TMPRSS11F: variants seen among roughly 807,000 people sequenced by gnomAD.
TMPRSS11F encodes transmembrane serine protease 11F, also known as transmembrane protease serine 11F.
Under a neutral mutation model 60.2 loss-of-function variants are expected in TMPRSS11F, and 47 were observed. The ratio of observed to expected loss-of-function variants is 0.78; its 90% CI spans 0.62 to 1.00. The LOEUF (loss-of-function observed/expected upper bound fraction) is 1.00, where lower values mean the gene tolerates loss of function less well. Among genes scored for constraint, TMPRSS11F ranks in the 50% least tolerant of loss-of-function variants. TMPRSS11F has a pLI of 0.00. For missense variants in TMPRSS11F, 519 were observed against 522.9 expected (o/e 0.99, Z 0.07); for synonymous variants, 166 against 167.3 (o/e 0.99, Z 0.06).
Position 68,098,935 on chromosome 4 carries a change from C to T in TMPRSS11F, c.115G>A (p.Ala39Thr), listed in dbSNP as rs760313796. 2.5e-6 allele frequency: 4 copies of T among 1,612,788 alleles called. No individual in the cohort carries two copies. Among genetic ancestry groups the T allele is most frequent in the Non-Finnish European group, 3.4e-6 (4 of 1,179,404 alleles). The change falls in exon 2 of 10, where the codon GCA (alanine) becomes ACA (threonine). Residue 39 changes from alanine to threonine, a missense_variant. Physicochemically the swap from Ala to Thr is moderately conservative, Grantham distance 58 (BLOSUM62 0). Transcript: ENST00000356291. Reference protein sequence around the residue: ...RLALFTLAIVAIIGIAIGIVT... With the variant: ...RLALFTLAIVTIIGIAIGIVT... ...ATACCAATTGCAATTCCTATGATTG[C>T]TACAATTGCTAATGTGAAAAGAGCT...
chr4:68,123,859 C>T (rs550262879), intron 1 of TMPRSS11F, among the ~76,000 whole-genome samples: 22 of 152,084 alleles, frequency 1.4e-4, no homozygotes, highest in Non-Finnish European at 3.1e-4. Flanking sequence ...ATACATATGA[C>T]TGAAATAATG....
chr4:68,085,994 A>G (rs1365992134), intron 3 of TMPRSS11F, among the ~76,000 whole-genome samples: 1 of 152,184 alleles, frequency 6.6e-6, no homozygotes, highest in Non-Finnish European at 1.5e-5. Context: ...TAACACAGAA[A>G]TTGTGGACAA....
chr4:68,062,241 G>A (rs544988519), intron 8 of TMPRSS11F: 10 of 408,956 alleles, frequency 2.4e-5, no homozygotes, highest in East Asian at 7.0e-5. Context: ...TAAAATTACC[G>A]GCTCTTTTGC....
intron 3 of TMPRSS11F, among the ~76,000 whole-genome samples, chr4:68,088,610 A>G (rs1403363163): frequency 6.6e-6 from 1 of 152,060 alleles, no homozygotes; most frequent in Non-Finnish European, 1.5e-5. Flanking sequence ...GCACCACACC[A>G]CACCTATTCC....
chr4:68,061,526 G>C (rs1251919272), intron 8 of TMPRSS11F, among the ~76,000 whole-genome samples: 2 of 152,206 alleles, frequency 1.3e-5, no homozygotes. Context: ...TGAAGATTTA[G>C]AGAGAGAATA....
rs143920049 is a variant in TMPRSS11F, at chr4:68,053,851, A to C, written c.*58T>G. On this transcript the variant is annotated 3_prime_UTR_variant, in exon 10 of 10. Coordinates refer to ENST00000356291, the MANE Select transcript of TMPRSS11F (RefSeq NM_207407.2). ...CAAAGTAAATGAATTTAAACAATAC[A>C]AAATACGCAGGAGTATCAGCTCTGT... 426 of 1,506,758 alleles carry C rather than the reference A, an allele frequency of 2.8e-4. No homozygotes were observed. Among genetic ancestry groups the C allele is most frequent in the Admixed American group, 6.7e-4 (36 of 54,112 alleles). 93.3% of individuals were successfully genotyped at this position (1,506,758 alleles called of 1,614,324 possible).
chr4:68,090,118 A>T (rs1302157562), intron 3 of TMPRSS11F, among the ~76,000 whole-genome samples: 2 of 152,138 alleles, frequency 1.3e-5, no homozygotes, highest in Non-Finnish European at 2.9e-5. Context: ...CAAGAATTAT[A>T]GCTATACCAC....
rs555828471 is a variant in TMPRSS11F at position 68,055,612 on chromosome 4, C to A, written c.1159-1545G>T. ...CTCCCACCAAAGTCAAGTCTAGGAC[C>A]AGATGGCTTCACAATTCAATTCTAC... On this transcript the variant is annotated intron_variant, in intron 9 of 9. Transcript: ENST00000356291. Among the ~76,000 whole-genome samples, 58 of 152,234 alleles carry A rather than the reference C, an allele frequency of 3.8e-4. 1 individual carries two copies. In the South Asian group the frequency reaches 5.2e-3, roughly 14 times the overall value.
At chr4:68,098,156 T>A (rs887298135) in intron 2 of TMPRSS11F, among the ~76,000 whole-genome samples, 1 of 151,992 alleles carries the variant, frequency 6.6e-6, no homozygotes, top group Non-Finnish European at 1.5e-5. Flanking sequence ...AATACAAAAA[T>A]TAACCGAGTG....
At chr4:68,085,660 G>A (rs1723797430) in intron 3 of TMPRSS11F, among the ~76,000 whole-genome samples, 1 of 152,170 alleles carries the variant, frequency 6.6e-6, no homozygotes, top group Non-Finnish European at 1.5e-5. Context: ...TCTACAATCT[G>A]CTGCCTTCAA....
intron 1 of TMPRSS11F, among the ~76,000 whole-genome samples, chr4:68,099,557 C>A (rs1289152412): frequency 6.6e-6 from 1 of 152,150 alleles, no homozygotes; most frequent in African/African-American, 2.4e-5. Flanking sequence ...TGGTGCATTA[C>A]CTCCATTACT....
At chr4:68,094,476 C>A (rs1724027403) in intron 2 of TMPRSS11F, among the ~76,000 whole-genome samples, 1 of 145,904 alleles carries the variant, frequency 6.9e-6, no homozygotes, top group East Asian at 2.0e-4. Context: ...GTGCAGCGCA[C>A]CAGCATGGCA....
chr4:68,124,303 T>A (rs1168186256), intron 1 of TMPRSS11F, among the ~76,000 whole-genome samples: 1 of 151,914 alleles, frequency 6.6e-6, no homozygotes, highest in Non-Finnish European at 1.5e-5. Flanking sequence ...ATCCCAGCAC[T>A]TTTGAGCTCA....
chr4:68,077,170 A>G (rs1407121770), intron 3 of TMPRSS11F: 2 of 152,278 alleles, frequency 1.3e-5, no homozygotes, highest in Non-Finnish European at 2.9e-5. Context: ...AATATATACC[A>G]TGAGCATACT....
intron 8 of TMPRSS11F, chr4:68,062,757 T>C (rs1438815381): frequency 1.3e-6 from 1 of 742,298 alleles, no homozygotes; most frequent in Non-Finnish European, 2.5e-6. Flanking sequence ...AAAGTTTCCT[T>C]GTATACTGGA....
chr4:68,062,480 G>A, intron 8 of TMPRSS11F: 1 of 679,710 alleles, frequency 1.5e-6, no homozygotes, highest in South Asian at 1.4e-5. Context: ...CGACTTGGTA[G>A]AAACAGTAAT....
rs139029375 is a variant in TMPRSS11F at position 68,123,309 on chromosome 4, T to C, written c.11+6501A>G. 3.3e-5 allele frequency among the ~76,000 whole-genome samples: 5 copies of C among 152,282 alleles called. No individual in the cohort carries two copies. In the East Asian group the frequency reaches 9.6e-4, roughly 29 times the overall value. On this transcript the variant is annotated intron_variant, in intron 1 of 9. Transcript: ENST00000356291. ...CACAAGAGCAGTCCTAAGCAAGAAT[T>C]AGTTGCCCAAAAAGAATAAATCATG...
intron 1 of TMPRSS11F, among the ~76,000 whole-genome samples, chr4:68,124,586 T>C (rs1004684875): frequency 1.3e-5 from 2 of 152,216 alleles, no homozygotes; most frequent in Non-Finnish European, 2.9e-5. Flanking sequence ...GACATCAATG[T>C]ATTGCACTAA....
chr4:68,104,141 A>G (rs549916574), intron 1 of TMPRSS11F, among the ~76,000 whole-genome samples: 2 of 152,162 alleles, frequency 1.3e-5, no homozygotes, highest in East Asian at 1.9e-4. Flanking sequence ...TTTTCCTTAT[A>G]TGACTGTTCT....
Sources: gnomAD v4.1 joint callset for allele counts (sites outside exome capture counted in the v4.1 genomes callset) on GRCh38, gnomAD v4.1.1 for gene constraint, MANE v1.5 for transcripts, NCBI Gene and HGNC (gene_info 2026-07-23, HGNC 2026-07-21) for gene names.